The following SLC24A3 variants were observed in gnomAD, a reference collection of about 807,000 sequenced individuals.
The protein encoded by SLC24A3 is solute carrier family 24 member 3.
Under a neutral mutation model 75.8 loss-of-function variants are expected in SLC24A3, and 28 were observed. The ratio of observed to expected loss-of-function variants is 0.37; its 90% CI spans 0.27 to 0.51. SLC24A3 has a LOEUF of 0.51. Ranked by LOEUF, SLC24A3 falls within the 20% of genes least tolerant of loss-of-function variation. The pLI is 0.94. For missense variants in SLC24A3, 663 were observed against 847.8 expected (o/e 0.78, Z 2.71); for synonymous variants, 372 against 334.1 (o/e 1.11, Z -1.24).
chr20:19,536,826 T>G (rs964502597), intron 3 of SLC24A3, among the ~76,000 whole-genome samples: 33 of 152,306 alleles, frequency 2.2e-4, no homozygotes, highest in African/African-American at 7.5e-4. Flanking sequence ...TAGCCATATG[T>G]AGAAAGCTGA....
chr20:19,289,063 A>C (rs930414970), intron 2 of SLC24A3, among the ~76,000 whole-genome samples: 3 of 152,066 alleles, frequency 2.0e-5, no homozygotes, highest in African/African-American at 7.2e-5. Flanking sequence ...GGCAGGAATG[A>C]CATTTCCAAG....
At chr20:19,652,472 C>G (rs2032217364) in intron 6 of SLC24A3, among the ~76,000 whole-genome samples, 1 of 152,098 alleles carries the variant, frequency 6.6e-6, no homozygotes, top group South Asian at 2.1e-4. Context: ...TAAGAGTTTA[C>G]AGTACTGAGA....
chr20:19,491,111 T>C (rs756091478), intron 2 of SLC24A3, among the ~76,000 whole-genome samples: 7 of 152,194 alleles, frequency 4.6e-5, no homozygotes, highest in Admixed American at 2.6e-4. Context: ...GCCCTTTCAT[T>C]CCTTGGAGGG....
At chr20:19,312,969 A>C (rs1194576462) in intron 2 of SLC24A3, among the ~76,000 whole-genome samples, 1 of 151,608 alleles carries the variant, frequency 6.6e-6, no homozygotes, top group Non-Finnish European at 1.5e-5. Context: ...CAGGACCAAC[A>C]AGATGAGGGA....
chr20:19,460,361 T>G (rs1465024673), intron 2 of SLC24A3, among the ~76,000 whole-genome samples: 1 of 152,124 alleles, frequency 6.6e-6, no homozygotes, highest in African/African-American at 2.4e-5. Context: ...TGCCCCGTCT[T>G]TCCTGCTCCC....
chr20:19,646,852 CGTGT>C (rs771991583), intron 6 of SLC24A3, among the ~76,000 whole-genome samples: 2 of 150,874 alleles, frequency 1.3e-5, no homozygotes, highest in Admixed American at 6.6e-5. Context: ...TGTGTGTGTG[CGTGT>C]GTGTGTGTGT....
chr20:19,563,260 A>C (rs1361210728), intron 3 of SLC24A3, among the ~76,000 whole-genome samples: 2 of 152,154 alleles, frequency 1.3e-5, no homozygotes, highest in Non-Finnish European at 2.9e-5. Context: ...GAGATTTTAA[A>C]ATTCAACAGT....
intron 2 of SLC24A3, among the ~76,000 whole-genome samples, chr20:19,321,680 T>C (rs1984709423): frequency 6.6e-6 from 1 of 152,030 alleles, no homozygotes; most frequent in African/African-American, 2.4e-5. Context: ...TAAGGGAGAG[T>C]GGATAGAAGA....
At chr20:19,298,881 A>G (rs1038062188) in intron 2 of SLC24A3, among the ~76,000 whole-genome samples, 1 of 152,184 alleles carries the variant, frequency 6.6e-6, no homozygotes, top group African/African-American at 2.4e-5. Flanking sequence ...GGGTATTTAT[A>G]CACCACTTCC....
chr20:19,640,009 G>A (rs961227474), intron 6 of SLC24A3, among the ~76,000 whole-genome samples: 9 of 152,200 alleles, frequency 5.9e-5, no homozygotes, highest in African/African-American at 1.9e-4. Context: ...TCCCGCTGGC[G>A]CCTCTCCCTC....
chr20:19,389,864 G>A (rs1239660270), intron 2 of SLC24A3, among the ~76,000 whole-genome samples: 3 of 151,996 alleles, frequency 2.0e-5, no homozygotes, highest in African/African-American at 7.2e-5. Context: ...CTTTCTTATT[G>A]GTATGCTTGA....
chr20:19,569,072 G>T (rs897271668), intron 3 of SLC24A3, among the ~76,000 whole-genome samples: 1 of 152,190 alleles, frequency 6.6e-6, no homozygotes, highest in African/African-American at 2.4e-5. Context: ...AGGAACCCAA[G>T]AAAGAGTGGG....
intron 2 of SLC24A3, among the ~76,000 whole-genome samples, chr20:19,345,991 A>G (rs1985387191): frequency 6.9e-6 from 1 of 144,610 alleles, no homozygotes; most frequent in South Asian, 2.2e-4. Context: ...ATGCATGTTT[A>G]TAGCAGCACA....
intron 2 of SLC24A3, among the ~76,000 whole-genome samples, chr20:19,446,229 G>C (rs775910663): frequency 2.0e-5 from 3 of 152,188 alleles, no homozygotes; most frequent in Non-Finnish European, 4.4e-5. Context: ...AATGAGTTCT[G>C]GGAGCCTTTT....
At chr20:19,625,410 C>T (rs1186625543) in intron 6 of SLC24A3, among the ~76,000 whole-genome samples, 1 of 152,214 alleles carries the variant, frequency 6.6e-6, no homozygotes, top group African/African-American at 2.4e-5. Flanking sequence ...TCCTCAGTTA[C>T]TCCCTATACA....
At chr20:19,403,159 G>T (rs1031343146) in intron 2 of SLC24A3, among the ~76,000 whole-genome samples, 12 of 152,236 alleles carry the variant, frequency 7.9e-5, no homozygotes, top group African/African-American at 2.4e-4. Context: ...GGAAGGGCCA[G>T]TGTCACAATT....
intron 1 of SLC24A3, among the ~76,000 whole-genome samples, chr20:19,252,112 A>G (rs946990117): frequency 6.6e-6 from 1 of 152,112 alleles, no homozygotes; most frequent in African/African-American, 2.4e-5. Flanking sequence ...ACCAAAGACA[A>G]CACAGAGTGT....
intron 12 of SLC24A3, among the ~76,000 whole-genome samples, 183 bp downstream of exon 12, chr20:19,685,544 G>C (rs564990587): frequency 6.6e-6 from 1 of 152,266 alleles, no homozygotes; most frequent in South Asian, 2.1e-4. Flanking sequence ...GGCCAAGATG[G>C]GGGTCCATGA....
At chr20:19,377,312 G>T (rs1248350455) in intron 2 of SLC24A3, among the ~76,000 whole-genome samples, 1 of 152,180 alleles carries the variant, frequency 6.6e-6, no homozygotes. Flanking sequence ...CTGTCATGAA[G>T]ATGGAAGGAT....
Sources: gnomAD v4.1 joint callset for allele counts (sites outside exome capture counted in the v4.1 genomes callset) on GRCh38, gnomAD v4.1.1 for gene constraint, MANE v1.5 for transcripts, NCBI Gene and HGNC (gene_info 2026-07-23, HGNC 2026-07-21) for gene names.